LRMDA: variants seen among roughly 807,000 people sequenced by gnomAD.
LRMDA encodes the protein leucine-rich melanocyte differentiation-associated protein.
Under a neutral mutation model 29.8 loss-of-function variants are expected in LRMDA, and 18 were observed. That is an observed-to-expected ratio of 0.60 (90% CI 0.42 to 0.90). The LOEUF is 0.90. LRMDA is among the 40% of genes least tolerant of loss of function. The pLI is 0.00. For synonymous variants in LRMDA, 125 were observed against 109.4 expected (o/e 1.14, Z -0.89); for missense variants, 273 against 273.9 (o/e 1.00, Z 0.02).
intron 4 of LRMDA, among the ~76,000 whole-genome samples, chr10:76,047,803 G>C (rs1256561288): frequency 6.6e-6 from 1 of 152,136 alleles, no homozygotes; most frequent in Non-Finnish European, 1.5e-5. Context: ...CCAAAATTTA[G>C]GGAGCTCATA....
intron 6 of LRMDA, among the ~76,000 whole-genome samples, chr10:76,545,625 G>T (rs942235190): frequency 6.6e-4 from 93 of 140,934 alleles, no homozygotes; most frequent in African/African-American, 2.4e-3. Flanking sequence ...TAGATAAAGA[G>T]CTGGAACAAC....
intron 6 of LRMDA, among the ~76,000 whole-genome samples, chr10:76,443,256 C>A (rs942832585): frequency 6.6e-6 from 1 of 152,138 alleles, no homozygotes; most frequent in Non-Finnish European, 1.5e-5. Context: ...AGGGGGCTTT[C>A]TATTTTGCAT....
At chr10:75,834,723 A>G (rs982362095) in intron 2 of LRMDA, among the ~76,000 whole-genome samples, 1 of 152,236 alleles carries the variant, frequency 6.6e-6, no homozygotes, top group Non-Finnish European at 1.5e-5. Context: ...ATCCTCTTCC[A>G]GTGTCCAGTG....
intron 6 of LRMDA, among the ~76,000 whole-genome samples, chr10:76,416,626 A>G (rs1245428168): frequency 6.6e-6 from 1 of 152,222 alleles, no homozygotes; most frequent in Non-Finnish European, 1.5e-5. Context: ...ACCTCCATGG[A>G]TATATAGGCA....
At chr10:75,563,911 C>T (rs1178033898) in intron 2 of LRMDA, among the ~76,000 whole-genome samples, 3 of 152,032 alleles carry the variant, frequency 2.0e-5, no homozygotes, top group Admixed American at 6.6e-5. Flanking sequence ...AGAGGAGTAC[C>T]CGGCCGTGTG....
chr10:75,676,429 G>A (rs755147578), intron 2 of LRMDA, among the ~76,000 whole-genome samples: 9 of 152,136 alleles, frequency 5.9e-5, no homozygotes, highest in Admixed American at 1.3e-4. Flanking sequence ...TCATCTCCAG[G>A]TTGCATCTGA....
At chr10:76,534,102 T>C (rs1843266297) in intron 6 of LRMDA, among the ~76,000 whole-genome samples, 1 of 152,222 alleles carries the variant, frequency 6.6e-6, no homozygotes, top group Non-Finnish European at 1.5e-5. Context: ...GTTTGGTACA[T>C]AGTTGGCCCA....
intron 2 of LRMDA, among the ~76,000 whole-genome samples, chr10:75,943,182 G>A (rs1001756315): frequency 1.0e-4 from 15 of 148,758 alleles, no homozygotes; most frequent in Non-Finnish European, 2.2e-4. Context: ...AAAAAAAAAG[G>A]ACTATGAGAT....
intron 6 of LRMDA, among the ~76,000 whole-genome samples, chr10:76,324,949 T>G (rs1840817047): frequency 6.6e-6 from 1 of 152,232 alleles, no homozygotes; most frequent in African/African-American, 2.4e-5. Flanking sequence ...TGTGCAGTTT[T>G]TGCTGAATTC....
chr10:76,144,125 T>C (rs1231393816), intron 5 of LRMDA, among the ~76,000 whole-genome samples: 1 of 152,196 alleles, frequency 6.6e-6, no homozygotes, highest in Non-Finnish European at 1.5e-5. Flanking sequence ...TTAGGTAGTG[T>C]GATGCCTCCA....
At chr10:75,500,115 A>G (rs968888616) in intron 2 of LRMDA, among the ~76,000 whole-genome samples, 3 of 152,126 alleles carry the variant, frequency 2.0e-5, no homozygotes, top group Non-Finnish European at 2.9e-5. Flanking sequence ...ATAGCCCCAC[A>G]CTGAGCTGCT....
chr10:76,146,678 C>G (rs1009244855), intron 5 of LRMDA, among the ~76,000 whole-genome samples: 1 of 152,118 alleles, frequency 6.6e-6, no homozygotes, highest in Non-Finnish European at 1.5e-5. Context: ...GCTTTTAGCC[C>G]ATTTACATTT....
At chr10:75,579,968 C>G (rs1311085593) in intron 2 of LRMDA, among the ~76,000 whole-genome samples, 1 of 152,192 alleles carries the variant, frequency 6.6e-6, no homozygotes, top group South Asian at 2.1e-4. Flanking sequence ...CAATATCATA[C>G]TGAATGGGCA....
intron 6 of LRMDA, among the ~76,000 whole-genome samples, chr10:76,462,464 C>G: frequency 6.6e-6 from 1 of 152,318 alleles, no homozygotes; most frequent in East Asian, 1.9e-4. Context: ...CCATCCTCTT[C>G]CTCTTCACCC....
intron 5 of LRMDA, among the ~76,000 whole-genome samples, chr10:76,151,819 T>C (rs1850450656): frequency 6.6e-6 from 1 of 152,208 alleles, no homozygotes; most frequent in African/African-American, 2.4e-5. Flanking sequence ...AGTCATATTA[T>C]CTACAAGCAA....
chr10:76,426,827 C>A (rs1589180216), intron 6 of LRMDA, among the ~76,000 whole-genome samples: 1 of 152,316 alleles, frequency 6.6e-6, no homozygotes, highest in African/African-American at 2.4e-5. Flanking sequence ...ATATGGCTAG[C>A]CAGTTTTCCC....
chr10:76,429,165 CA>C (rs949090067), intron 6 of LRMDA, among the ~76,000 whole-genome samples: 139 of 140,072 alleles, frequency 9.9e-4, no homozygotes, highest in East Asian at 1.4e-3. Context: ...GGAGAATTAA[CA>C]AAAAAAAAAA....
intron 2 of LRMDA, among the ~76,000 whole-genome samples, chr10:75,669,006 C>A (rs540673269): frequency 9.2e-5 from 14 of 152,264 alleles, no homozygotes; most frequent in African/African-American, 2.6e-4. Flanking sequence ...GGCAAATGAG[C>A]ACTTAAGCAA....
At chr10:75,531,018 C>T (rs1845471160) in intron 2 of LRMDA, among the ~76,000 whole-genome samples, 1 of 152,106 alleles carries the variant, frequency 6.6e-6, no homozygotes, top group African/African-American at 2.4e-5. Context: ...CATCTGTTGT[C>T]ACAACAGCTC....
Sources: gnomAD v4.1 joint callset for allele counts (sites outside exome capture counted in the v4.1 genomes callset) on GRCh38, gnomAD v4.1.1 for gene constraint, MANE v1.5 for transcripts, NCBI Gene and HGNC (gene_info 2026-07-23, HGNC 2026-07-21) for gene names.